The following FBXO25 variants were observed in gnomAD, a reference collection of about 807,000 sequenced individuals.
FBXO25 encodes F-box protein 25.
A neutral mutation model predicts 51.9 loss-of-function variants in FBXO25; 45 were observed. The ratio of observed to expected loss-of-function variants is 0.87; its 90% CI spans 0.68 to 1.11. The LOEUF (loss-of-function observed/expected upper bound fraction) is 1.11, where lower values mean the gene tolerates loss of function less well. FBXO25 is among the 50% of genes most tolerant of loss of function. The probability of loss-of-function intolerance (pLI) is 0.00; values close to 1 mark genes in which losing one functional copy is unlikely to be tolerated. For synonymous variants in FBXO25, 199 were observed against 151.0 expected, an observed-to-expected ratio of 1.32 and a Z score of -2.33; for missense variants, 507 against 428.5, an observed-to-expected ratio of 1.18 and a Z score of -1.62.
At chr8:435,587 A>G (rs1015571675) in intron 4 of FBXO25, 28 bp from the exon 5 acceptor site, 2 of 1,593,196 alleles carry the variant, frequency 1.3e-6, no homozygotes, top group South Asian at 2.3e-5. Context: ...CTAATTGACT[A>G]ATTTTAACTT....
chr8:468,911 TC>T lies in FBXO25; in HGVS notation c.*109del. ...TGGAGACTCCTCGGAAGCCCCTGCT[TC>T]CAGAAAGCCTGGGAAGAACTGCCCT... is the stretch of plus-strand genomic sequence containing the variant. On this transcript the variant is annotated 3_prime_UTR_variant, in exon 10 of 10. Transcript: ENST00000350302. The T allele has an allele frequency of 9.6e-7, 1 of 1,036,632 alleles. No individual in the cohort carries two copies. Among genetic ancestry groups the T allele is most frequent in the South Asian group, 1.7e-5 (1 of 57,998 alleles). 64.2% of individuals were successfully genotyped at this position (1,036,632 alleles called of 1,614,324 possible).
intron 3 of FBXO25, among the ~76,000 whole-genome samples, chr8:432,279 A>T (rs1563074714): frequency 6.6e-6 from 1 of 152,162 alleles, no homozygotes; most frequent in Non-Finnish European, 1.5e-5. Flanking sequence ...CATCCCAGGC[A>T]GGACAGAGCA....
At chr8:420,390 T>A (rs1276334006) in intron 2 of FBXO25, 4 of 152,242 alleles carry the variant, frequency 2.6e-5, no homozygotes, top group Non-Finnish European at 4.4e-5. Context: ...TGTGGCAGCT[T>A]CTTACTGTGT....
In FBXO25 at chr8:450,041, C is replaced by A. The variant is rs1798980669; in HGVS notation, c.433C>A (p.Gln145Lys). The A allele has an allele frequency of 6.2e-7, 1 of 1,613,246 alleles. No individual in the cohort carries two copies. Among genetic ancestry groups the A allele is most frequent in the East Asian group, 2.2e-5 (1 of 44,834 alleles). Residue 145 changes from glutamine to lysine, a missense_variant, in exon 6 of 10, where the codon CAG (glutamine) becomes AAG (lysine). Gln to Lys is a moderately conservative substitution (Grantham distance 53). Coordinates refer to ENST00000350302, the MANE Select transcript of FBXO25 (RefSeq NM_183420.2). The part of the protein sequence containing the change: ...SQLTSLSGVA[Q>K]KNYFNILDKI... ...GTTAACTTCATTGAGTGGCGTGGCACAGAAGAATTACTTCAACATTTTGGA... is the reference window on the plus strand; with the variant it reads ...GTTAACTTCATTGAGTGGCGTGGCAAAGAAGAATTACTTCAACATTTTGGA...
Position 431,344 on chromosome 8 carries a change from C to G in FBXO25, c.138C>G (p.Ile46Met), listed in dbSNP as rs28438773. The change falls in exon 3 of 10, where the codon ATC becomes ATG. Residue 46 changes from isoleucine (I) to methionine (M), a missense_variant. Physicochemically the swap from Ile to Met is conservative, Grantham distance 10. Coordinates refer to ENST00000350302, the MANE Select transcript of FBXO25 (RefSeq NM_183420.2). ...NNRCNISHSI[I>M]LNSEDGEIFN... ...ATAGAATGTGTCTTTATTTCAGTATCTTAAATAGTGAAGATGGAGAAATAT... is the reference window on the plus strand; with the variant it reads ...ATAGAATGTGTCTTTATTTCAGTATGTTAAATAGTGAAGATGGAGAAATAT... 220,371 of 1,453,246 alleles carry G rather than the reference C, an allele frequency of 0.15. 17,411 individuals are homozygous for G. The highest frequency in any genetic ancestry group is 0.24 in the East Asian group (9,966 of 42,078). The allele number at this position is 1,453,246 out of a possible 1,614,324, so 90.0% of individuals were successfully genotyped here.
chr8:436,301 C>G (rs1298793074), intron 5 of FBXO25, among the ~76,000 whole-genome samples: 4 of 152,008 alleles, frequency 2.6e-5, no homozygotes. Flanking sequence ...GTTTATGCAC[C>G]TTCATTCTAT....
intron 7 of FBXO25, among the ~76,000 whole-genome samples, chr8:455,989 C>G (rs1026434255): frequency 2.0e-5 from 3 of 152,228 alleles, no homozygotes; most frequent in Non-Finnish European, 4.4e-5. Context: ...CTCTATAACT[C>G]TACTAATCCG....
At chr8:430,391 G>A (rs1291008759) in intron 2 of FBXO25, among the ~76,000 whole-genome samples, 12 of 151,952 alleles carry the variant, frequency 7.9e-5, no homozygotes, top group Non-Finnish European at 1.3e-4. Context: ...TGTTGGCACC[G>A]CTGTTTAAGT....
intron 7 of FBXO25, among the ~76,000 whole-genome samples, chr8:454,220 GAAC>G (rs890988291): frequency 6.6e-6 from 1 of 152,196 alleles, no homozygotes; most frequent in African/African-American, 2.4e-5. Context: ...AAGTTCCTAA[GAAC>G]ATCAGAAATT....
chr8:430,617 C>G (rs1424193722), intron 2 of FBXO25, among the ~76,000 whole-genome samples: 1 of 152,192 alleles, frequency 6.6e-6, no homozygotes, highest in East Asian at 1.9e-4. Context: ...CCTCACTTTA[C>G]ACTGAAAATC....
At chr8:427,400 T>G (rs1281098582) in intron 2 of FBXO25, among the ~76,000 whole-genome samples, 1 of 150,912 alleles carries the variant, frequency 6.6e-6, no homozygotes, top group East Asian at 1.9e-4. Flanking sequence ...GCACTTAGAG[T>G]CATGGCAACT....
rs1800603769 is a variant in FBXO25, at chr8:475,133, A to G, written c.*6329A>G. ...GCCTTTGATCTATTTTAATTTTTAT[A>G]TATGGTGTGAGGTAGATCTAGCTTC... On this transcript the variant is annotated 3_prime_UTR_variant, in exon 10 of 10. Coordinates refer to ENST00000350302, the MANE Select transcript of FBXO25 (RefSeq NM_183420.2). 2 of 361,660 alleles carry G rather than the reference A, an allele frequency of 5.5e-6. No homozygotes were observed. The highest frequency in any genetic ancestry group is 2.1e-5 in the African/African-American group (1 of 46,758). 22.4% of individuals were successfully genotyped at this position (361,660 alleles called of 1,614,324 possible).
At position 471,700 on chromosome 8, in the gene FBXO25, C is replaced by G. The variant is rs1800490999; in HGVS notation, c.*2896C>G. On this transcript the variant is annotated 3_prime_UTR_variant, in exon 10 of 10. Transcript: ENST00000350302. ...CAACTTCCTTTTGCCTATTTTGAGT[C>G]AAAAAGTCACATTCCTCACCTAATT... is the stretch of plus-strand genomic sequence containing the variant. 6.6e-6 allele frequency: 1 copy of G among 152,150 alleles called. No individual in the cohort carries two copies. The highest frequency in any genetic ancestry group is 6.5e-5 in the Admixed American group (1 of 15,276). The allele number at this position is 152,150 out of a possible 1,614,324, so 9.4% of individuals were successfully genotyped here.
intron 7 of FBXO25, among the ~76,000 whole-genome samples, chr8:457,464 A>T (rs934817462): frequency 1.3e-5 from 2 of 152,138 alleles, no homozygotes; most frequent in Admixed American, 6.5e-5. Context: ...GGGCAGATGC[A>T]TTGCATTTAC....
At chr8:436,297 G>A (rs895271122) in intron 5 of FBXO25, among the ~76,000 whole-genome samples, 10 of 152,024 alleles carry the variant, frequency 6.6e-5, no homozygotes, top group African/African-American at 1.9e-4. Flanking sequence ...TGTGGTTTAT[G>A]CACCTTCATT....
intron 2 of FBXO25, among the ~76,000 whole-genome samples, chr8:419,047 C>G (rs560703377): frequency 6.6e-6 from 1 of 152,150 alleles, no homozygotes; most frequent in South Asian, 2.1e-4. Flanking sequence ...AAAACTTATA[C>G]CTAAAGTCAT....
chr8:462,851 A>C (rs899425975), intron 8 of FBXO25, among the ~76,000 whole-genome samples, 156 bp from the exon 9 acceptor site: 1 of 152,176 alleles, frequency 6.6e-6, no homozygotes, highest in Non-Finnish European at 1.5e-5. Flanking sequence ...GCACTGTACA[A>C]TTCATCCATG....
chr8:435,400 A>G, intron 4 of FBXO25: 2 of 553,722 alleles, frequency 3.6e-6, no homozygotes. Context: ...GTTGTAAAAA[A>G]TGTCAGTTAA....
At chr8:441,433 G>C (rs28836498) in intron 5 of FBXO25, among the ~76,000 whole-genome samples, 1 of 152,272 alleles carries the variant, frequency 6.6e-6, no homozygotes, top group South Asian at 2.1e-4. Context: ...AAGCTAGGCA[G>C]TACCATTCAG....
Sources: allele counts gnomAD v4.1 joint callset (sites outside exome capture counted in the v4.1 genomes callset), GRCh38; gene constraint gnomAD v4.1.1; transcripts MANE v1.5; gene names NCBI Gene and HGNC (gene_info 2026-07-23, HGNC 2026-07-21).